The following PIK3C2G variants were observed in gnomAD, a reference collection of about 807,000 sequenced individuals.
PIK3C2G encodes the protein phosphatidylinositol 3-kinase C2 domain-containing subunit gamma.
Under a neutral mutation model 181.1 loss-of-function variants are expected in PIK3C2G, and 168 were observed. That is an observed-to-expected ratio of 0.93 (90% CI 0.82 to 1.05). The LOEUF (loss-of-function observed/expected upper bound fraction) is 1.05, where lower values mean the gene tolerates loss of function less well. Among genes scored for constraint, PIK3C2G ranks in the 50% least tolerant of loss-of-function variants. The pLI, the probability that PIK3C2G is intolerant of heterozygous loss-of-function variation, is 0.00. For missense variants in PIK3C2G, 1,869 were observed against 1,732.8 expected, an observed-to-expected ratio of 1.08 and a Z score of -1.40; for synonymous variants, 573 against 592.2, an observed-to-expected ratio of 0.97 and a Z score of 0.47.
At chr12:18,594,463 A>C in intron 29 of PIK3C2G, 31 bp from the exon 30 acceptor site, 1 of 1,365,954 alleles carries the variant, frequency 7.3e-7, no homozygotes, top group Non-Finnish European at 1.0e-6. Flanking sequence ...ATAAGAAATA[A>C]AGAAATATTA....
intron 5 of PIK3C2G, among the ~76,000 whole-genome samples, chr12:18,296,451 A>G (rs1307059146): frequency 6.6e-6 from 1 of 152,060 alleles, no homozygotes; most frequent in Non-Finnish European, 1.5e-5. Context: ...GAAGCCAAGA[A>G]TGGTAATGAC....
At chr12:18,471,969 C>G (rs1380478353) in intron 18 of PIK3C2G, among the ~76,000 whole-genome samples, 1 of 151,996 alleles carries the variant, frequency 6.6e-6, no homozygotes, top group Non-Finnish European at 1.5e-5. Flanking sequence ...TTAGATACTG[C>G]ATTACAAAAA....
chr12:18,530,311 TCTC>T lies in PIK3C2G; in HGVS notation c.3324-7839_3324-7837del, dbSNP rs1198862192. ...CCTTCCATCTGTGCTTTGAAGCCAT[TCTC>T]CTCCTACCTTCTGATGAACATTGTA... On this transcript the variant is annotated intron_variant, in intron 24 of 32. Coordinates refer to ENST00000538779, the MANE Select transcript of PIK3C2G (RefSeq NM_001288772.2). Among the ~76,000 whole-genome samples the T allele has an allele frequency of 2.6e-5, 4 of 152,192 alleles. No homozygotes were observed. In the South Asian group the frequency reaches 8.3e-4, roughly 32 times the overall value.
At chr12:18,371,125 AT>A in intron 12 of PIK3C2G, 54 bp from the exon 13 acceptor site, 1 of 1,404,994 alleles carries the variant, frequency 7.1e-7, no homozygotes, top group Non-Finnish European at 9.7e-7. Flanking sequence ...GAACATTTTC[AT>A]TAAAATATCA....
intron 31 of PIK3C2G, 28 bp downstream of exon 31, chr12:18,609,657 A>C (rs377219933): frequency 7.5e-7 from 1 of 1,334,082 alleles, no homozygotes; most frequent in East Asian, 2.5e-5. Flanking sequence ...AATAAGAAAC[A>C]TGTAAGCCTA....
intron 19 of PIK3C2G, among the ~76,000 whole-genome samples, chr12:18,489,694 C>T (rs934143646): frequency 5.3e-5 from 8 of 152,084 alleles, no homozygotes; most frequent in Non-Finnish European, 1.5e-5. Context: ...AACGTTACTA[C>T]AAGTTCATTA....
At chr12:18,326,236 G>T (rs1040370193) in intron 8 of PIK3C2G, among the ~76,000 whole-genome samples, 1 of 152,082 alleles carries the variant, frequency 6.6e-6, no homozygotes, top group Non-Finnish European at 1.5e-5. Context: ...CACCTATTGG[G>T]CACTGAAGTT....
the PIK3C2G span, among the ~76,000 whole-genome samples, chr12:18,706,046 G>C: frequency 2.0e-5 from 3 of 152,060 alleles, no homozygotes; most frequent in African/African-American, 7.2e-5. Flanking sequence ...GGCCAACATG[G>C]CGAAACCCCA....
chr12:18,644,813 T>G (rs980756634), intron 32 of PIK3C2G, among the ~76,000 whole-genome samples: 3 of 152,180 alleles, frequency 2.0e-5, no homozygotes, highest in Non-Finnish European at 4.4e-5. Flanking sequence ...CTGTTCTCGC[T>G]TTTGAACTCT....
chr12:18,364,163 T>G (rs1284395789), intron 12 of PIK3C2G, among the ~76,000 whole-genome samples: 1 of 152,150 alleles, frequency 6.6e-6, no homozygotes, highest in African/African-American at 2.4e-5. Flanking sequence ...CACCAGTCAT[T>G]TGCATCTTAT....
At chr12:18,411,139 A>G (rs1408207844) in intron 16 of PIK3C2G, among the ~76,000 whole-genome samples, 1 of 152,194 alleles carries the variant, frequency 6.6e-6, no homozygotes, top group Non-Finnish European at 1.5e-5. Flanking sequence ...ACTATTAAAT[A>G]TCTTTACTGA....
Position 18,283,155 on chromosome 12 carries a change from G to T in PIK3C2G, c.678+396G>T, listed in dbSNP as rs559275868. On this transcript the variant is annotated intron_variant, in intron 2 of 32. Transcript: ENST00000538779. Reference sequence around the variant, plus strand: ...ATTATATTTTGAGTCACATTGTAATGATTTGAAACTTTATATCATTATTGG... The same window carrying T: ...ATTATATTTTGAGTCACATTGTAATTATTTGAAACTTTATATCATTATTGG... 2.0e-4 allele frequency among the ~76,000 whole-genome samples: 31 copies of T among 152,122 alleles called. 1 individual carries two copies. The highest frequency in any genetic ancestry group is 6.8e-3 in the Middle Eastern group (2 of 294).
chr12:18,550,062 G>A (rs1209889238), intron 26 of PIK3C2G, among the ~76,000 whole-genome samples: 1 of 151,814 alleles, frequency 6.6e-6, no homozygotes, highest in Non-Finnish European at 1.5e-5. Flanking sequence ...GATTTAATGT[G>A]CAAGTAGCAT....
the PIK3C2G span, chr12:18,693,376 C>T: frequency 1.9e-6 from 3 of 1,603,780 alleles, no homozygotes; most frequent in Non-Finnish European, 2.6e-6. Flanking sequence ...ATTAAGGAAT[C>T]TGTGGAGCTT....
chr12:18,316,514 C>T (rs1010663314), intron 6 of PIK3C2G, among the ~76,000 whole-genome samples: 1 of 152,152 alleles, frequency 6.6e-6, no homozygotes, highest in East Asian at 1.9e-4. Flanking sequence ...GTTCAACTTA[C>T]AAGCTTATCC....
At chr12:18,575,533 C>T (rs563900964) in intron 29 of PIK3C2G, among the ~76,000 whole-genome samples, 1 of 152,052 alleles carries the variant, frequency 6.6e-6, no homozygotes, top group Admixed American at 6.6e-5. Flanking sequence ...GAACATTGTG[C>T]TGCAATATTA....
In PIK3C2G at chr12:18,497,712, A is replaced by G; in HGVS notation, c.2980A>G (p.Ile994Val). The G allele has an allele frequency of 6.2e-7, 1 of 1,612,496 alleles. No individual in the cohort carries two copies. The highest frequency in any genetic ancestry group is 1.1e-5 in the South Asian group (1 of 90,992). Residue 994 changes from isoleucine (I) to valine (V), a missense_variant, in exon 22 of 33, where the codon ATC becomes GTC. Ile to Val is a conservative substitution (Grantham distance 29, BLOSUM62 3). Coordinates refer to ENST00000538779, the MANE Select transcript of PIK3C2G (RefSeq NM_001288772.2). ...GCAGGAAGGCTTGGATATGCAAATGATCATTTATAGATGTCTATCCACAGG... is the reference window on the plus strand; with the variant it reads ...GCAGGAAGGCTTGGATATGCAAATGGTCATTTATAGATGTCTATCCACAGG... ...WLQEGLDMQM[I>V]IYRCLSTGKD... is the part of the protein sequence containing the mutation.
chr12:18,634,035 A>C (rs542007751), intron 31 of PIK3C2G, among the ~76,000 whole-genome samples: 1 of 152,296 alleles, frequency 6.6e-6, no homozygotes, highest in African/African-American at 2.4e-5. Flanking sequence ...GGTTCAGAGC[A>C]TACACAGCCT....
chr12:18,431,423 C>T (rs921091193), intron 18 of PIK3C2G, among the ~76,000 whole-genome samples: 15 of 152,148 alleles, frequency 9.9e-5, no homozygotes, highest in Non-Finnish European at 1.6e-4. Flanking sequence ...AAATTTTGTC[C>T]ACTTTACAGT....
Sources: gnomAD v4.1 joint callset for allele counts (sites outside exome capture counted in the v4.1 genomes callset) on GRCh38, gnomAD v4.1.1 for gene constraint, MANE v1.5 for transcripts, NCBI Gene and HGNC (gene_info 2026-07-23, HGNC 2026-07-21) for gene names.